Variants in MYO9B observed in about 807,000 individuals in gnomAD.
MYO9B encodes myosin IXB, also known as unconventional myosin-IXb.
A neutral mutation model predicts 229.5 loss-of-function variants in MYO9B; 71 were observed. The ratio of observed to expected loss-of-function variants is 0.31; its 90% CI spans 0.26 to 0.38. MYO9B has a LOEUF of 0.38. MYO9B is among the 10% of genes least tolerant of loss of function. The pLI, the probability that MYO9B is intolerant of heterozygous loss-of-function variation, is 1.00. For missense variants in MYO9B, 2,255 were observed against 2,920.5 expected (o/e 0.77, Z 5.25); for synonymous variants, 1,185 against 1,235.8 (o/e 0.96, Z 0.86).
rs976594446 is a variant in MYO9B, at chr19:17,101,405, G to A, written c.-58-255G>A. On this transcript the variant is annotated intron_variant, in intron 1 of 39. Transcript: ENST00000682292. This position sits in a 1 kb window ranked among gnomAD's most constrained non-coding sequence, Gnocchi z 4.7. ...TGGTCTCAAACTCCTGGCCTCAAGC[G>A]ATCCTCCCACCTTGGCCTCCTAAAG... Among the ~76,000 whole-genome samples, 4 of 152,086 alleles carry A rather than the reference G, an allele frequency of 2.6e-5. No individual in the cohort carries two copies. Among genetic ancestry groups the A allele is most frequent in the Non-Finnish European group, 4.4e-5 (3 of 67,984 alleles).
chr19:17,190,276 C>G (rs2072968055), intron 19 of MYO9B, among the ~76,000 whole-genome samples: 1 of 150,788 alleles, frequency 6.6e-6, no homozygotes, highest in South Asian at 2.1e-4. Context: ...TCACTCCAAC[C>G]TCCATCTCCC....
chr19:17,172,313 A>G lies in MYO9B; in HGVS notation c.1794-23A>G, dbSNP rs750586663. Reference sequence around the variant, plus strand: ...AAATCAGCCGCTGTTCATGCCTGCAAAGGTTCCATGTTCTGTTCCCAGCTT... The same window carrying G: ...AAATCAGCCGCTGTTCATGCCTGCAGAGGTTCCATGTTCTGTTCCCAGCTT... On this transcript the variant is annotated intron_variant, in intron 11 of 39. Transcript: ENST00000682292. This position sits in a 1 kb window ranked among gnomAD's most constrained non-coding sequence, Gnocchi z 8.2. 8.7e-6 allele frequency: 14 copies of G among 1,613,356 alleles called. No homozygotes were observed. The highest frequency in any genetic ancestry group is 1.2e-5 in the Non-Finnish European group (14 of 1,179,614).
In MYO9B at chr19:17,212,407, A is replaced by G; in HGVS notation, c.*97A>G. ...GCTAGTGTTCGGCCCTCAGAGAAGG[A>G]TCCAGAATCAAAAGCTCAAGAGTGA... On this transcript the variant is annotated 3_prime_UTR_variant, in exon 40 of 40. Coordinates refer to ENST00000682292, the MANE Select transcript of MYO9B (RefSeq NM_004145.4). The surrounding 1 kb of genome is among the most constrained non-coding windows in gnomAD (Gnocchi z 5.4). 7.4e-7 allele frequency: 1 copy of G among 1,342,814 alleles called. No individual in the cohort carries two copies. 83.2% of individuals were successfully genotyped at this position (1,342,814 alleles called of 1,614,324 possible).
chr19:17,082,763 G>A (rs758304535), intron 1 of MYO9B, among the ~76,000 whole-genome samples: 1 of 152,128 alleles, frequency 6.6e-6, no homozygotes, highest in Non-Finnish European at 1.5e-5. Flanking sequence ...TGGCCCATAG[G>A]TGCCGTGGAA....
intron 14 of MYO9B, among the ~76,000 whole-genome samples, chr19:17,180,105 C>T (rs949225876): frequency 2.5e-4 from 36 of 145,392 alleles, no homozygotes; most frequent in African/African-American, 8.1e-4. Context: ...TGGTGGTGCA[C>T]GCCTGTAATC....
intron 28 of MYO9B, 84 bp downstream of exon 28, chr19:17,202,387 C>T (rs2073116885): frequency 7.4e-7 from 1 of 1,358,516 alleles, no homozygotes; most frequent in Non-Finnish European, 1.0e-6. Flanking sequence ...CCACCCATGC[C>T]TCACCATGCT....
intron 1 of MYO9B, among the ~76,000 whole-genome samples, chr19:17,077,980 C>G (rs1054737949): frequency 3.3e-5 from 5 of 152,170 alleles, no homozygotes; most frequent in South Asian, 2.1e-4. Context: ...AGTCTGGTGA[C>G]TCAGTGGAGC....
chr19:17,168,149 A>C, intron 11 of MYO9B, 85 bp downstream of exon 11: 1 of 1,525,202 alleles, frequency 6.6e-7, no homozygotes, highest in Non-Finnish European at 8.9e-7. Context: ...CTTACCCCAA[A>C]TCCAGACTTT....
intron 1 of MYO9B, among the ~76,000 whole-genome samples, chr19:17,086,061 C>G (rs1004947395): frequency 5.9e-5 from 9 of 152,208 alleles, no homozygotes; most frequent in Non-Finnish European, 1.2e-4. Flanking sequence ...CCAAGGCACC[C>G]ACAGGACGTG....
chr19:17,178,186 C>T (rs573367654), intron 14 of MYO9B, among the ~76,000 whole-genome samples: 1 of 152,330 alleles, frequency 6.6e-6, no homozygotes, highest in African/African-American at 2.4e-5. Context: ...TTTGCTCTGC[C>T]TCCCTGGAGG....
Position 17,194,895 on chromosome 19 carries a change from G to GGAGCACGTCAAGTTCCAGAAC in MYO9B, c.3469_3489dup (p.Glu1157_Asn1163dup), listed in dbSNP as rs1405013711. ...GTGAGTCGCGTCGGCAAAGAGGGCT[G>GGAGCACGTCAAGTTCCAGAAC]GAGCACGTCAAGTTCCAGAACAAAC... On this transcript the variant is annotated inframe_insertion, in exon 22 of 40. Transcript: ENST00000682292. 1 of 1,613,398 alleles carries GGAGCACGTCAAGTTCCAGAAC rather than the reference G, an allele frequency of 6.2e-7. No individual in the cohort carries two copies. Among genetic ancestry groups the GGAGCACGTCAAGTTCCAGAAC allele is most frequent in the Non-Finnish European group, 8.5e-7 (1 of 1,179,900 alleles).
At chr19:17,141,258 T>C (rs985697900) in intron 2 of MYO9B, among the ~76,000 whole-genome samples, 13 of 152,152 alleles carry the variant, frequency 8.5e-5, no homozygotes, top group African/African-American at 3.1e-4. Flanking sequence ...GGCCACCACC[T>C]ACCCCACCCC....
chr19:17,165,749 T>C lies in MYO9B; in HGVS notation c.1672-2194T>C, dbSNP rs114326080. Among the ~76,000 whole-genome samples, 1,267 of 152,244 alleles carry C rather than the reference T, an allele frequency of 8.3e-3. 22 individuals carry two copies. The highest frequency in any genetic ancestry group is 0.028 in the African/African-American group (1,164 of 41,528). The stretch of plus-strand genomic sequence containing the variant: ...GTGATCGCACCGCTGCACTCCAATG[T>C]AGGCAACAGTGTGAGACCCTGTCTC... On this transcript the variant is annotated intron_variant, in intron 10 of 39. Coordinates refer to ENST00000682292, the MANE Select transcript of MYO9B (RefSeq NM_004145.4).
Position 17,172,736 on chromosome 19 carries a change from C to T in MYO9B, c.1936-23C>T, listed in dbSNP as rs534819984. ...CGGTGAGTGACTATCCCCGAGTGAC[C>T]GCCCACATCCATCCCCCACCAGGAC... On this transcript the variant is annotated intron_variant, in intron 12 of 39. Coordinates refer to ENST00000682292, the MANE Select transcript of MYO9B (RefSeq NM_004145.4). This position sits in a 1 kb window ranked among gnomAD's most constrained non-coding sequence, Gnocchi z 8.2. 108 of 1,611,160 alleles carry T rather than the reference C, an allele frequency of 6.7e-5. No individual in the cohort carries two copies. In the East Asian group the frequency reaches 2.1e-3, roughly 32 times the overall value.
In MYO9B at chr19:17,212,136, T is replaced by G; in HGVS notation, c.6300T>G (p.Pro2100=). ...CCCCAGTGCGGCGCCGGGAGCCACC[T>G]GCCCGCCGCCCGGACCAGATACATT... ...AAAPVRRREP[P]ARRPDQIHSV... The change falls in exon 40 of 40, where the codon CCT becomes CCG. Residue 2100 remains proline (P), a synonymous_variant. Coordinates refer to ENST00000682292, the MANE Select transcript of MYO9B (RefSeq NM_004145.4). The surrounding 1 kb of genome is among the most constrained non-coding windows in gnomAD (Gnocchi z 5.4). 1.3e-6 allele frequency: 2 copies of G among 1,588,310 alleles called. No homozygotes were observed. Among genetic ancestry groups the G allele is most frequent in the Non-Finnish European group, 1.7e-6 (2 of 1,168,594 alleles).
At chr19:17,168,185 G>T in intron 11 of MYO9B, 121 bp downstream of exon 11, 3 of 1,349,960 alleles carry the variant, frequency 2.2e-6, no homozygotes, top group Non-Finnish European at 3.0e-6. Flanking sequence ...TTATTTTTGA[G>T]ACAGGGTCTC....
rs575218420 is a variant in MYO9B, at chr19:17,131,998, G to GC, written c.841-13394dup. Among the ~76,000 whole-genome samples, 333 of 151,646 alleles carry GC rather than the reference G, an allele frequency of 2.2e-3. 1 individual carries two copies. The highest frequency in any genetic ancestry group is 7.9e-3 in the African/African-American group (327 of 41,316). ...GGGCTCAAGTGATCCTCCCATTTCA[G>GC]CCCCCTGAGTAGCTGGGACTAGAGG... On this transcript the variant is annotated intron_variant, in intron 2 of 39. Coordinates refer to ENST00000682292, the MANE Select transcript of MYO9B (RefSeq NM_004145.4).
At chr19:17,090,106 G>T (rs1042013066) in intron 1 of MYO9B, among the ~76,000 whole-genome samples, 1 of 126,914 alleles carries the variant, frequency 7.9e-6, no homozygotes, top group South Asian at 2.6e-4. Context: ...AGCATGAATC[G>T]GTGCTTCCTT....
At chr19:17,137,771 T>C (rs767982314) in intron 2 of MYO9B, among the ~76,000 whole-genome samples, 34 of 151,392 alleles carry the variant, frequency 2.2e-4, no homozygotes, top group Non-Finnish European at 3.8e-4. Context: ...TGAAACAGAG[T>C]CTCGCTCTGT....
Sources: gnomAD v4.1 joint callset for allele counts (sites outside exome capture counted in the v4.1 genomes callset) on GRCh38, gnomAD v4.1.1 for gene constraint, Gnocchi (gnomAD v3.1) non-coding constraint, MANE v1.5 for transcripts, NCBI Gene and HGNC (gene_info 2026-07-23, HGNC 2026-07-21) for gene names.